CPEB3: variants seen among roughly 807,000 people sequenced by gnomAD.
The protein encoded by CPEB3 is cytoplasmic polyadenylation element-binding protein 3.
CPEB3 carries 20 observed loss-of-function variants against 67.2 expected under a neutral mutation model. That is an observed-to-expected ratio of 0.30 (90% confidence interval 0.21 to 0.43). CPEB3 has a LOEUF of 0.43. Ranked by LOEUF, CPEB3 falls within the 20% of genes least tolerant of loss-of-function variation. The pLI, the probability that CPEB3 is intolerant of heterozygous loss-of-function variation, is 1.00. For missense variants in CPEB3, 746 were observed against 968.6 expected, an observed-to-expected ratio of 0.77 and a Z score of 3.05; for synonymous variants, 376 against 393.1, an observed-to-expected ratio of 0.96 and a Z score of 0.51.
chr10:92,112,069 T>C (rs961511968), intron 6 of CPEB3, among the ~76,000 whole-genome samples: 1 of 151,160 alleles, frequency 6.6e-6, no homozygotes, highest in Non-Finnish European at 1.5e-5. Context: ...GAGTAACTGA[T>C]ACAAGTGGGA....
intron 1 of CPEB3, among the ~76,000 whole-genome samples, chr10:92,289,733 A>AAAAAAAATATG (rs1842728600): frequency 2.2e-5 from 1 of 44,850 alleles, no homozygotes; most frequent in Non-Finnish European, 4.9e-5. Context: ...AAAAAAAAAA[A>AAAAAAAATATG]TATATATATA....
chr10:92,260,997 T>C (rs536042718), intron 1 of CPEB3, among the ~76,000 whole-genome samples: 9 of 151,894 alleles, frequency 5.9e-5, no homozygotes, highest in Non-Finnish European at 1.3e-4. Flanking sequence ...AGGCCTGAAG[T>C]AATGAAAAAA....
intron 2 of CPEB3, among the ~76,000 whole-genome samples, chr10:92,213,704 C>G (rs747876878): frequency 6.6e-6 from 1 of 152,116 alleles, no homozygotes. Context: ...AAATGAAACA[C>G]AAAACAAACA....
chr10:92,215,739 C>CTTTTTTTTTT (rs373522649), intron 2 of CPEB3, among the ~76,000 whole-genome samples: 1 of 99,916 alleles, frequency 1.0e-5, no homozygotes, highest in Admixed American at 1.4e-4. Context: ...TGGCGCCTGG[C>CTTTTTTTTTT]TTTTTTTTTT....
At chr10:92,130,655 C>CTT (rs35187694) in intron 6 of CPEB3, among the ~76,000 whole-genome samples, 101 of 135,228 alleles carry the variant, frequency 7.5e-4, no homozygotes, top group African/African-American at 2.0e-3. Flanking sequence ...CCCTATGTGG[C>CTT]TTTTTTTTTT....
At chr10:92,086,976 C>T (rs1843400699) in intron 8 of CPEB3, among the ~76,000 whole-genome samples, 1 of 152,154 alleles carries the variant, frequency 6.6e-6, no homozygotes, top group South Asian at 2.1e-4. Context: ...CCATACTGAA[C>T]TTAGGACATG....
chr10:92,290,096 T>C (rs1842780765), intron 1 of CPEB3, among the ~76,000 whole-genome samples: 1 of 152,020 alleles, frequency 6.6e-6, no homozygotes, highest in Admixed American at 6.6e-5. Flanking sequence ...TGTAAAATTC[T>C]ACATATAAAA....
At chr10:92,182,860 A>C (rs1451685761) in intron 3 of CPEB3, among the ~76,000 whole-genome samples, 1 of 151,926 alleles carries the variant, frequency 6.6e-6, no homozygotes, top group Non-Finnish European at 1.5e-5. Context: ...AGGGAAAAAC[A>C]AAACCCTCGC....
At chr10:92,256,474 C>T (rs992528065) in intron 1 of CPEB3, among the ~76,000 whole-genome samples, 3 of 151,822 alleles carry the variant, frequency 2.0e-5, no homozygotes, top group Admixed American at 6.6e-5. Flanking sequence ...CTGCAACCTC[C>T]GCCTCCTGGG....
At chr10:92,054,582 G>A (rs1251820423) in intron 9 of CPEB3, among the ~76,000 whole-genome samples, 1 of 152,030 alleles carries the variant, frequency 6.6e-6, no homozygotes, top group Non-Finnish European at 1.5e-5. Flanking sequence ...TGGGATTACA[G>A]GCGCCCATCA....
Position 92,090,244 on chromosome 10 carries a change from T to C in CPEB3, c.1687+1586A>G, listed in dbSNP as rs534085881. ...GAAAAAAAGGAAAGGGGCTAGAACA[T>C]AAAAACTAATTTGTGGCTGGGCGTG... On this transcript the variant is annotated intron_variant, in intron 8 of 9. Coordinates refer to ENST00000265997, the MANE Select transcript of CPEB3 (RefSeq NM_014912.5). Among the ~76,000 whole-genome samples the C allele has an allele frequency of 1.5e-3, 231 of 152,264 alleles. 1 individual carries two copies. Among genetic ancestry groups the C allele is most frequent in the African/African-American group, 5.4e-3 (224 of 41,546 alleles).
intron 7 of CPEB3, among the ~76,000 whole-genome samples, chr10:92,102,720 C>T (rs1590141613): frequency 6.6e-6 from 1 of 152,210 alleles, no homozygotes; most frequent in Non-Finnish European, 1.5e-5. Flanking sequence ...AAATATTATG[C>T]TCAGAAGACT....
At chr10:92,249,781 A>G (rs1387588687) in intron 1 of CPEB3, among the ~76,000 whole-genome samples, 1 of 152,086 alleles carries the variant, frequency 6.6e-6, no homozygotes, top group Non-Finnish European at 1.5e-5. Flanking sequence ...GCACTTTGGG[A>G]GGCCGAAGCA....
chr10:92,112,436 C>T (rs953957338), intron 6 of CPEB3, among the ~76,000 whole-genome samples: 16 of 152,262 alleles, frequency 1.1e-4, no homozygotes, highest in Middle Eastern at 3.4e-3. Flanking sequence ...TGAGCCACCA[C>T]GCCCGGCCCC....
At chr10:92,105,376 C>T (rs535834391) in intron 7 of CPEB3, among the ~76,000 whole-genome samples, 19 of 152,336 alleles carry the variant, frequency 1.2e-4, no homozygotes, top group South Asian at 1.2e-3. Flanking sequence ...TTCCCTTTCA[C>T]ATATTTGTGC....
chr10:92,151,656 C>A (rs1846974566), intron 4 of CPEB3, among the ~76,000 whole-genome samples: 1 of 152,182 alleles, frequency 6.6e-6, no homozygotes, highest in Admixed American at 6.5e-5. Flanking sequence ...TACAAGTGAA[C>A]TTTTGATATC....
At chr10:92,126,457 GGGCA>G (rs1160270181) in intron 6 of CPEB3, among the ~76,000 whole-genome samples, 1 of 152,146 alleles carries the variant, frequency 6.6e-6, no homozygotes, top group Non-Finnish European at 1.5e-5. Flanking sequence ...TATGGCTAAA[GGGCA>G]GCTCAGACCT....
rs1334308588 is a variant in CPEB3 at position 92,048,602 on chromosome 10, A to G, written c.*3610T>C. 4 of 152,382 alleles carry G rather than the reference A, an allele frequency of 2.6e-5. No homozygotes were observed. Among genetic ancestry groups the G allele is most frequent in the Non-Finnish European group, 5.9e-5 (4 of 68,004 alleles). The allele number at this position is 152,382 out of a possible 1,614,324, so 9.4% of individuals were successfully genotyped here. On this transcript the variant is annotated 3_prime_UTR_variant, in exon 10 of 10. Transcript: ENST00000265997. This position sits in a 1 kb window ranked among gnomAD's most constrained non-coding sequence, Gnocchi z 4.1. ...GACATCCCTAGTCTTACACTAAACC[A>G]CTGTGATAAAGGAAAAGGCTTCTCA...
intron 2 of CPEB3, among the ~76,000 whole-genome samples, chr10:92,215,151 ATTTTT>A (rs79149383): frequency 8.1e-6 from 1 of 123,172 alleles, no homozygotes; most frequent in Non-Finnish European, 1.7e-5. Flanking sequence ...CCAAGCCAAG[ATTTTT>A]TTTTTTTTTT....
Sources: allele counts gnomAD v4.1 joint callset (sites outside exome capture counted in the v4.1 genomes callset), GRCh38; gene constraint gnomAD v4.1.1; non-coding constraint Gnocchi (gnomAD v3.1); transcripts MANE v1.5; gene names NCBI Gene and HGNC (gene_info 2026-07-23, HGNC 2026-07-21).